The following ELAVL4 variants were observed in gnomAD, a reference collection of about 807,000 sequenced individuals.
ELAVL4 encodes the protein ELAV like RNA binding protein 4.
Under a neutral mutation model 35.6 loss-of-function variants are expected in ELAVL4, and 1 was observed. The ratio of observed to expected loss-of-function variants is 0.03; its 90% confidence interval spans 0.01 to 0.13. The LOEUF (loss-of-function observed/expected upper bound fraction) is 0.13, where lower values mean the gene tolerates loss of function less well. ELAVL4 is among the 10% of genes least tolerant of loss of function. The probability of loss-of-function intolerance (pLI) is 1.00; values close to 1 mark genes in which losing one functional copy is unlikely to be tolerated. For synonymous variants in ELAVL4, 156 were observed against 171.0 expected, an observed-to-expected ratio of 0.91 and a Z score of 0.69; for missense variants, 267 against 464.9, an observed-to-expected ratio of 0.57 and a Z score of 3.91.
chr1:50,116,462 G>T (rs1027508651), intron 1 of ELAVL4, among the ~76,000 whole-genome samples: 11 of 151,704 alleles, frequency 7.3e-5, no homozygotes, highest in Non-Finnish European at 1.5e-4. Flanking sequence ...ACAGCTGGGA[G>T]CCCCGGTGTG....
At chr1:50,065,075 T>G (rs1188919661) in intron 1 of ELAVL4, among the ~76,000 whole-genome samples, 1 of 152,106 alleles carries the variant, frequency 6.6e-6, no homozygotes, top group Non-Finnish European at 1.5e-5. Context: ...CCAGGCAACA[T>G]GGGTGTTGGC....
At chr1:50,154,511 A>C (rs1675371882) in intron 2 of ELAVL4, among the ~76,000 whole-genome samples, 1 of 152,214 alleles carries the variant, frequency 6.6e-6, no homozygotes, top group African/African-American at 2.4e-5. Flanking sequence ...AATAACTCTA[A>C]TTCCTATGGC....
intron 1 of ELAVL4, among the ~76,000 whole-genome samples, chr1:50,070,536 T>C (rs993720274): frequency 2.3e-4 from 35 of 151,842 alleles, no homozygotes; most frequent in Non-Finnish European, 4.6e-4. Flanking sequence ...AGGTCAGGAG[T>C]TCGAGACCAG....
chr1:50,143,776 C>T (rs571790806), intron 1 of ELAVL4, among the ~76,000 whole-genome samples: 19 of 152,156 alleles, frequency 1.2e-4, no homozygotes, highest in African/African-American at 3.6e-4. Flanking sequence ...CCAGGAAATC[C>T]GGGTGCAGGC....
chr1:50,190,328 TA>T (rs1682476823), intron 3 of ELAVL4, among the ~76,000 whole-genome samples: 3 of 152,058 alleles, frequency 2.0e-5, no homozygotes, highest in Non-Finnish European at 4.4e-5. Flanking sequence ...TCTTTCAGCC[TA>T]ACCAAGGGCC....
At chr1:50,120,305 T>C (rs989837870) in intron 1 of ELAVL4, among the ~76,000 whole-genome samples, 1 of 151,702 alleles carries the variant, frequency 6.6e-6, no homozygotes, top group Admixed American at 6.6e-5. Context: ...ACTGGATAGA[T>C]GGAAAAATTA....
At chr1:50,154,542 A>C (rs1341444504) in intron 2 of ELAVL4, among the ~76,000 whole-genome samples, 1 of 152,204 alleles carries the variant, frequency 6.6e-6, no homozygotes, top group Non-Finnish European at 1.5e-5. Context: ...ATTTCTCATC[A>C]CAAACTTCTG....
At chr1:50,122,204 A>T (rs867206265) in intron 1 of ELAVL4, among the ~76,000 whole-genome samples, 76 of 152,204 alleles carry the variant, frequency 5.0e-4, no homozygotes, top group Non-Finnish European at 6.5e-4. Context: ...AAAATGTATT[A>T]AAGTGCCTAC....
intron 1 of ELAVL4, among the ~76,000 whole-genome samples, chr1:50,082,366 G>A (rs573141737): frequency 3.3e-5 from 5 of 152,200 alleles, no homozygotes; most frequent in Non-Finnish European, 5.9e-5. Flanking sequence ...TTTAAAGATC[G>A]CCATTCTAAC....
rs1673446775 is a variant in ELAVL4, at chr1:50,145,022, C to T, written c.75C>T (p.Ser25=). Residue 25 remains serine (S), a synonymous_variant, in exon 2 of 7, where the codon TCC becomes TCT. Transcript: ENST00000371824. ...CATCCAATACAAGCAATGGACCCTC[C>T]AGCAACAACAGAAACTGTCCTTCTC... ...GPTSNTSNGP[S]SNNRNCPSPM... is the part of the protein sequence containing the mutation. The T allele has an allele frequency of 1.2e-6, 2 of 1,613,912 alleles. No homozygotes were observed. Among genetic ancestry groups the T allele is most frequent in the South Asian group, 2.2e-5 (2 of 91,074 alleles).
At chr1:50,079,089 G>T (rs1197441441) in intron 1 of ELAVL4, among the ~76,000 whole-genome samples, 1 of 152,006 alleles carries the variant, frequency 6.6e-6, no homozygotes. Flanking sequence ...CTTTTAATTT[G>T]TAATTATTTA....
At chr1:50,103,975 G>A (rs1327881617), upstream of ELAVL4, 2 of 1,613,886 alleles carry the variant, frequency 1.2e-6, no homozygotes, top group African/African-American at 2.7e-5. Flanking sequence ...GACTGAAAAT[G>A]AGCCGGCTAC....
chr1:50,155,269 A>G (rs538436992), intron 2 of ELAVL4, among the ~76,000 whole-genome samples: 3 of 143,218 alleles, frequency 2.1e-5, no homozygotes, highest in African/African-American at 7.8e-5. Flanking sequence ...TTTTCTTTAC[A>G]TCAATGAAAA....
At chr1:50,111,968 G>A (rs1308935091) in intron 1 of ELAVL4, among the ~76,000 whole-genome samples, 1 of 152,066 alleles carries the variant, frequency 6.6e-6, no homozygotes, top group Non-Finnish European at 1.5e-5. Flanking sequence ...CTAATTGTAA[G>A]CCCAAAAATG....
intron 1 of ELAVL4, among the ~76,000 whole-genome samples, chr1:50,097,254 G>C (rs1447136229): frequency 6.6e-6 from 1 of 152,056 alleles, no homozygotes; most frequent in Non-Finnish European, 1.5e-5. Flanking sequence ...CTCGTGACCA[G>C]ACTGGGCATT....
At chr1:50,122,246 T>C (rs1669161163) in intron 1 of ELAVL4, among the ~76,000 whole-genome samples, 1 of 152,080 alleles carries the variant, frequency 6.6e-6, no homozygotes, top group African/African-American at 2.4e-5. Flanking sequence ...TCTACAAAGA[T>C]AAGTCAGTCT....
chr1:50,088,432 T>C (rs1295663726), intron 1 of ELAVL4, among the ~76,000 whole-genome samples: 1 of 152,206 alleles, frequency 6.6e-6, no homozygotes, highest in African/African-American at 2.4e-5. Flanking sequence ...CTCCAGCTCA[T>C]CTCTTCTATC....
At chr1:50,116,415 T>C (rs12726766) in intron 1 of ELAVL4, among the ~76,000 whole-genome samples, 109 of 137,410 alleles carry the variant, frequency 7.9e-4, no homozygotes, top group African/African-American at 1.8e-3. Context: ...TGTGTGTGCG[T>C]GTGTGTGTGT....
chr1:50,173,742 C>A (rs1679460629), intron 2 of ELAVL4, among the ~76,000 whole-genome samples: 1 of 152,122 alleles, frequency 6.6e-6, no homozygotes, highest in African/African-American at 2.4e-5. Flanking sequence ...AACAAAAATA[C>A]AGCTTGTTTT....
Sources: gnomAD v4.1 joint callset for allele counts (sites outside exome capture counted in the v4.1 genomes callset) on GRCh38, gnomAD v4.1.1 for gene constraint, MANE v1.5 for transcripts, NCBI Gene and HGNC (gene_info 2026-07-23, HGNC 2026-07-21) for gene names.